TENT5D: variants seen among roughly 807,000 people sequenced by gnomAD.
The protein encoded by TENT5D is terminal nucleotidyltransferase 5D.
For synonymous variants in TENT5D, 103 were observed against 100.6 expected (o/e 1.02, Z -0.15); for missense variants, 191 against 287.0 (o/e 0.67, Z 2.42).
intron 3 of TENT5D, among the ~76,000 whole-genome samples, chrX:80,364,228 A>G (rs759493953): frequency 9.0e-6 from 1 of 111,687 alleles, no homozygotes; most frequent in Non-Finnish European, 1.9e-5. Context: ...ACATGTCTAT[A>G]AATGAACTAA....
At chrX:80,388,547 G>A (rs1931066202) in intron 3 of TENT5D, among the ~76,000 whole-genome samples, 1 of 111,565 alleles carries the variant, frequency 9.0e-6, no homozygotes, top group South Asian at 3.8e-4. Flanking sequence ...AGGTTCTGGG[G>A]CTTGGAATGT....
chrX:80,411,123 T>C (rs1487068879), intron 3 of TENT5D, among the ~76,000 whole-genome samples: 8 of 98,425 alleles, frequency 8.1e-5, no homozygotes, highest in African/African-American at 2.2e-4. Flanking sequence ...AGGGATAGCA[T>C]TGGGAGATAT....
chrX:80,380,095 T>TA (rs1930825752), intron 3 of TENT5D, among the ~76,000 whole-genome samples: 1 of 108,464 alleles, frequency 9.2e-6, no homozygotes, highest in South Asian at 4.1e-4. Flanking sequence ...TGTGGGCATT[T>TA]AGTGCTATAA....
chrX:80,442,538 C>T, exon 3 of TENT5D: 4 of 1,190,567 alleles, frequency 3.4e-6, no homozygotes, highest in Non-Finnish European at 4.5e-6. Flanking sequence ...ACTGACTTCA[C>T]AATGTCTGAA....
intron 3 of TENT5D, among the ~76,000 whole-genome samples, chrX:80,382,365 A>G (rs908799874): frequency 1.3e-4 from 14 of 111,154 alleles, no homozygotes; most frequent in African/African-American, 4.6e-4. Context: ...TCAGAGGACC[A>G]CCCGGTTGTA....
upstream of TENT5D, among the ~76,000 whole-genome samples, chrX:80,418,922 TA>T (rs1931829903): frequency 9.0e-6 from 1 of 111,672 alleles, no homozygotes; most frequent in African/African-American, 3.2e-5. Flanking sequence ...TTATTCTACT[TA>T]AAACCCCTCC....
intron 1 of TENT5D, among the ~76,000 whole-genome samples, chrX:80,437,724 G>A (rs1317524038): frequency 9.0e-6 from 1 of 111,468 alleles, no homozygotes; most frequent in African/African-American, 3.3e-5. Context: ...CAAATGCAAT[G>A]TGTCAAATAA....
intron 3 of TENT5D, among the ~76,000 whole-genome samples, chrX:80,388,861 G>A (rs372762985): frequency 9.0e-6 from 1 of 111,238 alleles, no homozygotes; most frequent in East Asian, 2.8e-4. Context: ...AGTTTATGCA[G>A]GACTCCAGAG....
At chrX:80,385,479 A>T (rs1303702263) in intron 3 of TENT5D, among the ~76,000 whole-genome samples, 2 of 111,719 alleles carry the variant, frequency 1.8e-5, no homozygotes, top group Non-Finnish European at 3.8e-5. Flanking sequence ...CTAGAAGAAA[A>T]CCTAGGCAAT....
At chrX:80,340,934 C>G (rs1293638440) in intron 2 of TENT5D, among the ~76,000 whole-genome samples, 1 of 112,332 alleles carries the variant, frequency 8.9e-6, no homozygotes, top group Non-Finnish European at 1.9e-5. Flanking sequence ...TCAGCCCACT[C>G]TTTTTCAGGA....
At chrX:80,380,001 C>T (rs1303177405) in intron 3 of TENT5D, among the ~76,000 whole-genome samples, 1 of 105,520 alleles carries the variant, frequency 9.5e-6, no homozygotes. Context: ...CTTCTGCTTG[C>T]TTTTGAATTT....
At chrX:80,341,870 C>A (rs1286549188) in intron 2 of TENT5D, among the ~76,000 whole-genome samples, 1 of 106,475 alleles carries the variant, frequency 9.4e-6, no homozygotes, top group Non-Finnish European at 1.9e-5. Flanking sequence ...CGCTACCACG[C>A]CCGGCTAATT....
At chrX:80,338,463 C>T (rs1929895126) in intron 2 of TENT5D, among the ~76,000 whole-genome samples, 1 of 112,177 alleles carries the variant, frequency 8.9e-6, no homozygotes, top group African/African-American at 3.2e-5. Context: ...ATGAGCAAAA[C>T]TAATGTGGAA....
At chrX:80,344,629 A>G (rs775013904) in intron 3 of TENT5D, among the ~76,000 whole-genome samples, 3 of 110,343 alleles carry the variant, frequency 2.7e-5, no homozygotes, top group Non-Finnish European at 3.8e-5. Context: ...CTTTAGTTCA[A>G]TTGTCACAAG....
At position 80,396,989 on chromosome X, in the gene TENT5D, G is replaced by A. The variant is rs1326371965; in HGVS notation, c.-141-41621G>A. On this transcript the variant is annotated intron_variant, in intron 3 of 4. Coordinates refer to the TENT5D transcript ENST00000538312. ...CCAGTAGGGGCGGCTGGGCAGAGGC[G>A]CCCCTCACCTCCCGGACGGGGCGTC... Among the ~76,000 whole-genome samples, 244 of 88,461 alleles carry A rather than the reference G, an allele frequency of 2.8e-3. 1 individual carries two copies. Among genetic ancestry groups the A allele is most frequent in the Non-Finnish European group, 4.6e-3 (202 of 44,311 alleles). 76.8% of individuals were successfully genotyped at this position (88,461 alleles called of 115,157 possible).
intron 1 of TENT5D, among the ~76,000 whole-genome samples, chrX:80,424,099 T>C (rs1189252234): frequency 4.5e-5 from 5 of 110,577 alleles, no homozygotes; most frequent in Non-Finnish European, 7.6e-5. Context: ...TTTTTTTAGC[T>C]ACTTTTTGCT....
chrX:80,352,463 G>A (rs1930198673), intron 3 of TENT5D, among the ~76,000 whole-genome samples: 1 of 110,557 alleles, frequency 9.0e-6, no homozygotes, highest in Non-Finnish European at 1.9e-5. Flanking sequence ...GCGCTGTCGG[G>A]GGAAAACCAC....
chrX:80,340,063 A>G (rs957970908), intron 2 of TENT5D, among the ~76,000 whole-genome samples: 2 of 111,267 alleles, frequency 1.8e-5, no homozygotes, highest in African/African-American at 6.5e-5. Context: ...GGAAATAATA[A>G]AACATTTGCT....
chrX:80,404,799 A>G lies in TENT5D; in HGVS notation c.-141-33811A>G, dbSNP rs1402237224. Among the ~76,000 whole-genome samples the G allele has an allele frequency of 8.0e-5, 9 of 112,153 alleles. No individual in the cohort carries two copies. In the Admixed American group the frequency reaches 8.5e-4, roughly 11 times the overall value. The stretch of plus-strand genomic sequence containing the variant: ...TCAAAGCCCTGTAACTCAATGGCAC[A>G]AGGACTTTAAAAACACATACAGAAA... On this transcript the variant is annotated intron_variant, in intron 3 of 4. Transcript: ENST00000538312.
Sources: allele counts gnomAD v4.1 joint callset (sites outside exome capture counted in the v4.1 genomes callset), GRCh38; gene constraint gnomAD v4.1.1; transcripts MANE v1.5; gene names NCBI Gene and HGNC (gene_info 2026-07-23, HGNC 2026-07-21).